Variants in SAMD4A observed in about 807,000 individuals in gnomAD.
SAMD4A encodes sterile alpha motif domain containing 4A, also known as protein Smaug homolog 1.
Under a neutral mutation model 81.3 loss-of-function variants are expected in SAMD4A, and 33 were observed. The ratio of observed to expected loss-of-function variants is 0.41; its 90% CI spans 0.31 to 0.54. The LOEUF is 0.54. Among genes scored for constraint, SAMD4A ranks in the 20% least tolerant of loss-of-function variants. The probability of loss-of-function intolerance (pLI) is 0.37; values close to 1 mark genes in which losing one functional copy is unlikely to be tolerated. For synonymous variants in SAMD4A, 389 were observed against 382.1 expected (o/e 1.02, Z -0.21); for missense variants, 854 against 951.1 (o/e 0.90, Z 1.34).
intron 2 of SAMD4A, among the ~76,000 whole-genome samples, chr14:54,663,444 C>A (rs2140477678): frequency 1.3e-5 from 2 of 152,290 alleles, no homozygotes; most frequent in South Asian, 4.1e-4. Context: ...GTCAAAAGAT[C>A]TTAAGACACA....
intron 2 of SAMD4A, among the ~76,000 whole-genome samples, chr14:54,613,085 C>G (rs1238274165): frequency 6.6e-6 from 1 of 151,138 alleles, no homozygotes; most frequent in Non-Finnish European, 1.5e-5. Flanking sequence ...CCACTGCACT[C>G]CAGCCTGGTG....
At chr14:54,599,478 A>G (rs941107318) in intron 2 of SAMD4A, among the ~76,000 whole-genome samples, 1 of 152,206 alleles carries the variant, frequency 6.6e-6, no homozygotes, top group South Asian at 2.1e-4. Context: ...TCTCTGCCCT[A>G]TGAGATTTTA....
intron 2 of SAMD4A, among the ~76,000 whole-genome samples, chr14:54,673,781 A>T (rs184277993): frequency 1.3e-3 from 200 of 152,344 alleles, no homozygotes; most frequent in Middle Eastern, 0.01. Context: ...TCTTCCGGTC[A>T]TCTTATTGAC....
At chr14:54,582,130 CAT>C (rs1339646624) in intron 2 of SAMD4A, among the ~76,000 whole-genome samples, 21 of 152,084 alleles carry the variant, frequency 1.4e-4, no homozygotes, top group South Asian at 4.1e-4. Flanking sequence ...ACTTGAGCCT[CAT>C]GTGTGATTCT....
At chr14:54,780,722 G>A (rs1226605313) in intron 11 of SAMD4A, among the ~76,000 whole-genome samples, 1 of 152,168 alleles carries the variant, frequency 6.6e-6, no homozygotes, top group African/African-American at 2.4e-5. Flanking sequence ...CTTATACCAT[G>A]TTGTACCCAT....
At chr14:54,621,898 G>T (rs1318915671) in intron 2 of SAMD4A, among the ~76,000 whole-genome samples, 1 of 152,058 alleles carries the variant, frequency 6.6e-6, no homozygotes, top group Non-Finnish European at 1.5e-5. Context: ...GAGTGTTTTG[G>T]GGAGAAACAA....
intron 3 of SAMD4A, among the ~76,000 whole-genome samples, chr14:54,710,798 T>C (rs565072590): frequency 7.2e-5 from 11 of 152,342 alleles, no homozygotes; most frequent in African/African-American, 2.6e-4. Context: ...TGTTCACCTA[T>C]CCTTCCCGAC....
intron 2 of SAMD4A, among the ~76,000 whole-genome samples, chr14:54,678,862 A>G (rs1157703978): frequency 1.3e-5 from 2 of 152,164 alleles, no homozygotes; most frequent in Non-Finnish European, 2.9e-5. Flanking sequence ...CTTTAGGGAA[A>G]GCATGGATAA....
intron 2 of SAMD4A, among the ~76,000 whole-genome samples, chr14:54,574,659 G>A (rs142707421): frequency 2.4e-3 from 363 of 152,280 alleles, no homozygotes; most frequent in African/African-American, 8.1e-3. Flanking sequence ...TTTTCATCCC[G>A]CTTAAGTATG....
At chr14:54,635,901 C>T (rs1277311324) in intron 2 of SAMD4A, among the ~76,000 whole-genome samples, 1 of 152,178 alleles carries the variant, frequency 6.6e-6, no homozygotes, top group African/African-American at 2.4e-5. Context: ...CAAGCAACTG[C>T]TATGTGCCAG....
At chr14:54,694,650 G>A (rs1272686525) in intron 2 of SAMD4A, 3 of 985,394 alleles carry the variant, frequency 3.0e-6, no homozygotes, top group Non-Finnish European at 3.6e-6. Flanking sequence ...ACCGAGGCAG[G>A]TGGCTGGGGG....
chr14:54,670,482 C>G (rs572596609), intron 2 of SAMD4A, among the ~76,000 whole-genome samples: 7 of 152,290 alleles, frequency 4.6e-5, no homozygotes, highest in African/African-American at 1.7e-4. Flanking sequence ...CCAGACGAAG[C>G]CTGGGGGAGG....
chr14:54,571,742 A>C (rs986616744), intron 2 of SAMD4A, among the ~76,000 whole-genome samples: 61 of 152,170 alleles, frequency 4.0e-4, no homozygotes, highest in African/African-American at 1.4e-3. Flanking sequence ...TCAGAATGTA[A>C]TTACTCTTAT....
intron 2 of SAMD4A, among the ~76,000 whole-genome samples, chr14:54,618,596 T>A (rs973779379): frequency 6.6e-6 from 1 of 152,196 alleles, no homozygotes; most frequent in Admixed American, 6.5e-5. Context: ...TAGATAAATA[T>A]GTCTTTGAGT....
chr14:54,731,499 A>G (rs1394934393), intron 3 of SAMD4A, among the ~76,000 whole-genome samples: 3 of 152,234 alleles, frequency 2.0e-5, no homozygotes, highest in African/African-American at 7.2e-5. Context: ...ATATTGTAAG[A>G]TATTTTAAAA....
At chr14:54,722,061 T>C (rs2037274889) in intron 3 of SAMD4A, among the ~76,000 whole-genome samples, 1 of 152,310 alleles carries the variant, frequency 6.6e-6, no homozygotes, top group Admixed American at 6.5e-5. Context: ...AAATACAACC[T>C]AAACTGATTA....
chr14:54,726,864 G>A (rs919993401), intron 3 of SAMD4A, among the ~76,000 whole-genome samples: 1 of 152,150 alleles, frequency 6.6e-6, no homozygotes, highest in African/African-American at 2.4e-5. Context: ...ATGGAAGGTG[G>A]AGTGAAGAGT....
At position 54,760,478 on chromosome 14, in the gene SAMD4A, A is replaced by T; in HGVS notation, c.1494A>T (p.Thr498=). 7.1e-7 allele frequency: 1 copy of T among 1,405,124 alleles called. No homozygotes were observed. The highest frequency in any genetic ancestry group is 1.5e-5 in the African/African-American group (1 of 65,878). 87.0% of individuals were successfully genotyped at this position (1,405,124 alleles called of 1,614,324 possible). Residue 498 remains threonine, a synonymous_variant, in exon 7 of 13, where the codon ACA becomes ACT. Coordinates refer to ENST00000554335, the MANE Select transcript of SAMD4A (RefSeq NM_015589.6). ...AGGGGGACCTCCCCGGGCAGTTCAC[A>T]CGCGTCATGGGGAAAGGTAGAGCCT... ...LPEGDLPGQF[T]RVMGKVCTQL...
At chr14:54,738,378 G>A (rs1041705489) in intron 4 of SAMD4A, among the ~76,000 whole-genome samples, 3 of 152,204 alleles carry the variant, frequency 2.0e-5, no homozygotes, top group Non-Finnish European at 4.4e-5. Flanking sequence ...CTCTGGGAAT[G>A]AGGCTGACAA....
Sources: allele counts gnomAD v4.1 joint callset (sites outside exome capture counted in the v4.1 genomes callset), GRCh38; gene constraint gnomAD v4.1.1; transcripts MANE v1.5; gene names NCBI Gene and HGNC (gene_info 2026-07-23, HGNC 2026-07-21).